Variants in NDC80 observed in about 807,000 individuals in gnomAD.
The protein encoded by NDC80 is NDC80 kinetochore complex component.
Under a neutral mutation model 89.3 loss-of-function variants are expected in NDC80, and 69 were observed. The ratio of observed to expected loss-of-function variants is 0.77; its 90% CI spans 0.64 to 0.94. The LOEUF (loss-of-function observed/expected upper bound fraction) is 0.94. NDC80 is among the 40% of genes least tolerant of loss of function. The probability of loss-of-function intolerance (pLI) is 0.00; values close to 1 mark genes in which losing one functional copy is unlikely to be tolerated. For synonymous variants in NDC80, 243 were observed against 255.6 expected, an observed-to-expected ratio of 0.95 and a Z score of 0.47; for missense variants, 593 against 739.6, an observed-to-expected ratio of 0.80 and a Z score of 2.30.
Position 2,610,803 on chromosome 18 carries a change from TG to T in NDC80, c.1736del (p.Gly579GlufsTer8). 1 of 1,591,742 alleles carries T rather than the reference TG, an allele frequency of 6.3e-7. No individual in the cohort carries two copies. The highest frequency in any genetic ancestry group is 8.6e-7 in the Non-Finnish European group (1 of 1,164,404). On this transcript the variant is annotated frameshift_variant, in exon 16 of 17. Coordinates refer to ENST00000261597, the MANE Select transcript of NDC80 (RefSeq NM_006101.3). LOFTEE classifies it high-confidence loss of function. ...ACCACGACTGAAGAAAGACGAAAAG[TG>T]GGAAATAACTTGCAACGTCTGTTAG... Reference protein sequence around the residue: ...VQTTTEERRKVGNNLQRLLEM... With the variant: ...VQTTTEERRKXGNNLQRLLEM...
intron 1 of NDC80, among the ~76,000 whole-genome samples, chr18:2,572,304 T>C (rs1247225884): frequency 6.6e-6 from 1 of 152,184 alleles, no homozygotes; most frequent in African/African-American, 2.4e-5. Context: ...ATCAAAAGTT[T>C]TGTCAATCAT....
intron 14 of NDC80, 47 bp downstream of exon 14, chr18:2,606,554 T>C (rs1231367564): frequency 8.3e-7 from 1 of 1,200,072 alleles, no homozygotes; most frequent in Non-Finnish European, 1.2e-6. Context: ...AGCTATGTCA[T>C]GATTGCTTGA....
At chr18:2,594,559 T>C in intron 10 of NDC80, 1 of 162,454 alleles carries the variant, frequency 6.2e-6, no homozygotes. Context: ...ATCAAATATG[T>C]GTGACTCAAC....
At chr18:2,575,632 C>T (rs1031759080) in intron 3 of NDC80, among the ~76,000 whole-genome samples, 1 of 151,138 alleles carries the variant, frequency 6.6e-6, no homozygotes, top group Non-Finnish European at 1.5e-5. Flanking sequence ...TTTTAATGAG[C>T]CAGGCTTGTA....
At chr18:2,595,977 T>TC (rs1284680612) in intron 11 of NDC80, among the ~76,000 whole-genome samples, 16 of 152,224 alleles carry the variant, frequency 1.1e-4, no homozygotes, top group African/African-American at 3.6e-4. Context: ...TGTGTGTCAC[T>TC]TATGCTAGGC....
intron 2 of NDC80, among the ~76,000 whole-genome samples, chr18:2,574,405 A>G (rs2072535013): frequency 6.6e-6 from 1 of 152,282 alleles, no homozygotes; most frequent in African/African-American, 2.4e-5. Flanking sequence ...GTTTGAGATG[A>G]TGGATATGGT....
At chr18:2,585,660 A>G (rs1312429960) in intron 7 of NDC80, among the ~76,000 whole-genome samples, 2 of 151,850 alleles carry the variant, frequency 1.3e-5, no homozygotes, top group Non-Finnish European at 2.9e-5. Context: ...TTGCTTCCTG[A>G]AAACATTATA....
At chr18:2,599,948 A>T (rs1201583436) in intron 12 of NDC80, among the ~76,000 whole-genome samples, 2 of 152,196 alleles carry the variant, frequency 1.3e-5, no homozygotes, top group African/African-American at 4.8e-5. Context: ...AGAAACATAC[A>T]TCCCTACTTT....
At chr18:2,581,109 C>T (rs1353784814) in intron 6 of NDC80, among the ~76,000 whole-genome samples, 5 of 152,054 alleles carry the variant, frequency 3.3e-5, no homozygotes, top group African/African-American at 1.2e-4. Context: ...ATGTATTAAT[C>T]CGTGAGAGAC....
chr18:2,582,079 TTTG>T (rs1279313083), intron 6 of NDC80: 13 of 153,174 alleles, frequency 8.5e-5, no homozygotes, highest in Non-Finnish European at 1.7e-4. Flanking sequence ...TGTTTGTTTG[TTTG>T]TTTGTTTGTT....
At chr18:2,596,071 C>T (rs1050698613) in intron 11 of NDC80, among the ~76,000 whole-genome samples, 12 of 152,182 alleles carry the variant, frequency 7.9e-5, no homozygotes, top group African/African-American at 2.9e-4. Context: ...AATGAGACCT[C>T]TAATAAATGT....
intron 2 of NDC80, 79 bp from the exon 3 acceptor site, chr18:2,574,910 G>T: frequency 1.2e-6 from 1 of 864,130 alleles, no homozygotes; most frequent in Non-Finnish European, 1.8e-6. Context: ...AAGAGTTGTT[G>T]GTTCTAATAT....
intron 10 of NDC80, among the ~76,000 whole-genome samples, chr18:2,592,920 T>C (rs1291572655): frequency 6.6e-6 from 1 of 151,564 alleles, no homozygotes; most frequent in Non-Finnish European, 1.5e-5. Context: ...TCACAGAAGG[T>C]TGGAAAACAC....
At chr18:2,587,741 A>T in intron 7 of NDC80, 89 bp from the exon 8 acceptor site, 1 of 1,024,084 alleles carries the variant, frequency 9.8e-7, no homozygotes, top group Non-Finnish European at 1.5e-6. Context: ...ACTATTTTTT[A>T]AATTCAAATA....
chr18:2,586,467 C>T (rs2072603591), intron 7 of NDC80, among the ~76,000 whole-genome samples: 1 of 152,184 alleles, frequency 6.6e-6, no homozygotes, highest in South Asian at 2.1e-4. Flanking sequence ...CAGTGGCTCA[C>T]ACCTGTAATT....
rs1462427753 is a variant in NDC80 at position 2,595,425 on chromosome 18, G to A, written c.1025G>A (p.Cys342Tyr). The change falls in exon 11 of 17, where the codon TGT (cysteine) becomes TAT (tyrosine). Residue 342 changes from cysteine (C) to tyrosine (Y), a missense_variant. Coordinates refer to ENST00000261597, the MANE Select transcript of NDC80 (RefSeq NM_006101.3). ...TTTTTTTCCAACACAGAACTAGAAT[G>A]TGAAACAATAAAACAGGAGAACACT... The part of the protein sequence containing the change: ...NEEIARVELE[C>Y]ETIKQENTRL... 3.7e-6 allele frequency: 6 copies of A among 1,613,174 alleles called. No homozygotes were observed. The Admixed American group carries it at 8.3e-5, about 22-fold the overall frequency.
chr18:2,594,420 A>T (rs1331550682), intron 10 of NDC80: 2 of 159,772 alleles, frequency 1.3e-5, no homozygotes, highest in African/African-American at 4.8e-5. Flanking sequence ...TTTCAGAAAA[A>T]AATCAACAGT....
At chr18:2,589,178 A>C (rs779268335) in intron 8 of NDC80, 26 bp from the exon 9 acceptor site, 2 of 1,498,946 alleles carry the variant, frequency 1.3e-6, no homozygotes, top group Admixed American at 1.7e-5. Flanking sequence ...TTGAGGTCTT[A>C]AAAAGCTTTT....
At chr18:2,615,070 T>C (rs1038602363) in intron 16 of NDC80, 4 of 152,232 alleles carry the variant, frequency 2.6e-5, no homozygotes, top group Admixed American at 6.5e-5. Context: ...AGAGAGACCA[T>C]GGCCCTGCTG....
Sources: gnomAD v4.1 joint callset for allele counts (sites outside exome capture counted in the v4.1 genomes callset) on GRCh38, gnomAD v4.1.1 for gene constraint, MANE v1.5 for transcripts, NCBI Gene and HGNC (gene_info 2026-07-23, HGNC 2026-07-21) for gene names.